KCNK2: variants seen among roughly 807,000 people sequenced by gnomAD.
KCNK2 encodes potassium two pore domain channel subfamily K member 2.
In KCNK2, 21 loss-of-function variants were observed where a neutral mutation model predicts 40.5. The observed-to-expected ratio is 0.52, with a 90% CI of 0.37 to 0.75. The LOEUF (loss-of-function observed/expected upper bound fraction) is 0.75, where lower values mean the gene tolerates loss of function less well. Among genes scored for constraint, KCNK2 ranks in the 30% least tolerant of loss-of-function variants. KCNK2 has a pLI of 0.00. For missense variants in KCNK2, 399 were observed against 531.6 expected (o/e 0.75, Z 2.45); for synonymous variants, 191 against 202.2 (o/e 0.94, Z 0.47).
Position 215,037,377 on chromosome 1 carries a change from G to A in KCNK2, c.34+31422G>A, listed in dbSNP as rs1657424263. ...GCCAATCTTATGCTCCTGAAATAAA[G>A]TCTGATTGGTTGTGATGAATTGACT... On this transcript the variant is annotated intron_variant, in intron 1 of 6. Coordinates refer to the KCNK2 transcript ENST00000391895. Among the ~76,000 whole-genome samples, 4 of 152,030 alleles carry A rather than the reference G, an allele frequency of 2.6e-5. No homozygotes were observed. The South Asian group carries it at 8.3e-4, about 32-fold the overall frequency.
At chr1:215,044,604 C>T (rs941419831) in intron 1 of KCNK2, among the ~76,000 whole-genome samples, 7 of 151,960 alleles carry the variant, frequency 4.6e-5, no homozygotes, top group Admixed American at 1.3e-4. Context: ...CAAAGTAACC[C>T]ATTAATTGAT....
chr1:215,117,791 A>T (rs1456227884), intron 2 of KCNK2, among the ~76,000 whole-genome samples: 1 of 152,058 alleles, frequency 6.6e-6, no homozygotes, highest in Non-Finnish European at 1.5e-5. Context: ...TATGCAAGGA[A>T]CCCAATGACA....
rs900136220 is a variant in KCNK2, at chr1:215,130,923, C to G, written c.475+6173C>G. Among the ~76,000 whole-genome samples the G allele has an allele frequency of 7.2e-5, 11 of 152,062 alleles. No individual in the cohort carries two copies. In the East Asian group the frequency reaches 2.1e-3, roughly 29 times the overall value. On this transcript the variant is annotated intron_variant, in intron 3 of 6. Transcript: ENST00000444842. ...TAGCCTAGGCCGGATTGCAGTGGCACAATCTCGGCTCACTGCAAGCTCCGC... is the reference window on the plus strand; with the variant it reads ...TAGCCTAGGCCGGATTGCAGTGGCAGAATCTCGGCTCACTGCAAGCTCCGC...
chr1:215,204,999 T>A (rs1419433911), intron 6 of KCNK2, among the ~76,000 whole-genome samples: 1 of 152,156 alleles, frequency 6.6e-6, no homozygotes, highest in African/African-American at 2.4e-5. Flanking sequence ...TGTGTATACA[T>A]GTATATGTGT....
At chr1:215,169,673 G>C (rs942684712) in intron 4 of KCNK2, among the ~76,000 whole-genome samples, 1 of 145,532 alleles carries the variant, frequency 6.9e-6, no homozygotes, top group Admixed American at 6.9e-5. Context: ...GTCTTGCTCT[G>C]TTGCCCAGGC....
chr1:215,235,018 C>T lies in KCNK2; in HGVS notation c.1154C>T (p.Ser385Leu), dbSNP rs1457826344. The change falls in exon 7 of 7, where the codon TCA (serine) becomes TTA (leucine). Residue 385 changes from serine to leucine, a missense_variant. Physicochemically the swap from Ser to Leu is moderately radical, Grantham distance 145. Around this residue, in one of 3 missense-constraint regions of KCNK2, gnomAD observed 103 missense variants for 124.3 expected, o/e 0.83. Transcript: ENST00000444842. ...QELTPCRRTL[S>L]VNHLTSERDV... is the part of the protein sequence containing the mutation. ...CTGACTCCTTGTAGGAGGACCCTGT[C>T]AGTGAACCACCTGACCAGCGAGAGG... is the stretch of plus-strand genomic sequence containing the variant. The T allele has an allele frequency of 1.2e-6, 2 of 1,613,922 alleles. No homozygotes were observed.
chr1:215,200,695 G>T (rs915627436), intron 6 of KCNK2, among the ~76,000 whole-genome samples: 5 of 152,130 alleles, frequency 3.3e-5, no homozygotes, highest in Non-Finnish European at 7.3e-5. Context: ...AAGGGTCTAG[G>T]GTAGCAGTGG....
chr1:215,089,435 C>T (rs1025965063), intron 2 of KCNK2, among the ~76,000 whole-genome samples: 3 of 152,112 alleles, frequency 2.0e-5, no homozygotes, highest in African/African-American at 7.2e-5. Flanking sequence ...AGTGGTCTGA[C>T]AGTGGGCCAA....
intron 6 of KCNK2, among the ~76,000 whole-genome samples, chr1:215,221,053 T>G (rs112510410): frequency 6.6e-6 from 1 of 152,156 alleles, no homozygotes; most frequent in African/African-American, 2.4e-5. Flanking sequence ...AGTCAAAAAT[T>G]TTTGTATAAC....
rs536926692 is a variant in KCNK2 at position 215,066,072 on chromosome 1, A to T, written c.35-20296A>T. Among the ~76,000 whole-genome samples the T allele has an allele frequency of 3.9e-5, 6 of 152,258 alleles. No individual in the cohort carries two copies. The East Asian group carries it at 1.2e-3, about 29-fold the overall frequency. On this transcript the variant is annotated intron_variant, in intron 1 of 6. Transcript: ENST00000391895. The stretch of plus-strand genomic sequence containing the variant: ...TAAGTGAGAGTTGAACAGTGAGAAC[A>T]CATGGACACAGGGAGGGGAACATCA...
At chr1:215,027,895 T>G (rs1229657791) in intron 1 of KCNK2, among the ~76,000 whole-genome samples, 1 of 152,178 alleles carries the variant, frequency 6.6e-6, no homozygotes, top group Non-Finnish European at 1.5e-5. Flanking sequence ...AACTTTGAAT[T>G]TCACTAAATA....
intron 3 of KCNK2, among the ~76,000 whole-genome samples, chr1:215,129,118 A>G (rs1323995875): frequency 2.0e-5 from 3 of 152,190 alleles, no homozygotes; most frequent in South Asian, 2.1e-4. Context: ...ACAAGAATCA[A>G]TAGGCCTTGG....
In KCNK2 at chr1:215,129,321, AT is replaced by A. The variant is rs533525512; in HGVS notation, c.475+4577del. Among the ~76,000 whole-genome samples the A allele has an allele frequency of 6.6e-4, 100 of 152,170 alleles. 1 individual carries two copies. Among genetic ancestry groups the A allele is most frequent in the Non-Finnish European group, 1.1e-3 (73 of 67,988 alleles). On this transcript the variant is annotated intron_variant, in intron 3 of 6. Transcript: ENST00000444842. ...GTCATTCCCTTCTCCCCCTACCCCCATTTTTTGTTTGTTTGTTTGTTTCTTC... is the reference window on the plus strand; with the variant it reads ...GTCATTCCCTTCTCCCCCTACCCCCATTTTTGTTTGTTTGTTTGTTTCTTC...
chr1:215,175,932 G>A (rs143545778), intron 5 of KCNK2, among the ~76,000 whole-genome samples: 1 of 151,972 alleles, frequency 6.6e-6, no homozygotes, highest in African/African-American at 2.4e-5. Context: ...CCATGCCTTG[G>A]CTATTGTGAA....
chr1:215,040,953 G>T (rs1045651011), intron 1 of KCNK2, among the ~76,000 whole-genome samples: 1 of 152,106 alleles, frequency 6.6e-6, no homozygotes, highest in Non-Finnish European at 1.5e-5. Context: ...AGCAAAGAAG[G>T]TCTGAATGAG....
chr1:215,063,232 ACATT>A (rs1658421014), intron 1 of KCNK2, among the ~76,000 whole-genome samples: 1 of 152,204 alleles, frequency 6.6e-6, no homozygotes. Context: ...CAATTGAAGA[ACATT>A]CTATTTCTTG....
chr1:215,048,378 T>G (rs1038921953), intron 1 of KCNK2, among the ~76,000 whole-genome samples: 12 of 152,156 alleles, frequency 7.9e-5, no homozygotes, highest in African/African-American at 2.7e-4. Flanking sequence ...TCATGAGAAC[T>G]CCAGTGGTGT....
At chr1:215,044,853 A>G (rs1331040330) in intron 1 of KCNK2, among the ~76,000 whole-genome samples, 2 of 149,372 alleles carry the variant, frequency 1.3e-5, no homozygotes, top group Non-Finnish European at 3.0e-5. Context: ...GTTGATGACG[A>G]GTTGGCAAGA....
intron 3 of KCNK2, among the ~76,000 whole-genome samples, chr1:215,151,005 G>T (rs567456822): frequency 1.3e-4 from 19 of 151,926 alleles, no homozygotes; most frequent in Non-Finnish European, 2.5e-4. Flanking sequence ...GATATTCTTT[G>T]TCATGATAAA....
Sources: gnomAD v4.1 joint callset for allele counts (sites outside exome capture counted in the v4.1 genomes callset) on GRCh38, gnomAD v4.1.1 for gene constraint, gnomAD v4.1.1 regional missense constraint, MANE v1.5 for transcripts, NCBI Gene and HGNC (gene_info 2026-07-23, HGNC 2026-07-21) for gene names.